PHACTR1: variants seen among roughly 807,000 people sequenced by gnomAD.
PHACTR1 encodes the protein RPEL repeat containing 1.
A neutral mutation model predicts 69.2 loss-of-function variants in PHACTR1; 16 were observed. The ratio of observed to expected loss-of-function variants is 0.23; its 90% CI spans 0.16 to 0.35. The LOEUF is 0.35. Among genes scored for constraint, PHACTR1 ranks in the 10% least tolerant of loss-of-function variants. The pLI is 1.00. For synonymous variants in PHACTR1, 312 were observed against 284.5 expected (o/e 1.10, Z -0.97); for missense variants, 510 against 734.7 (o/e 0.69, Z 3.54).
In PHACTR1 at chr6:12,926,600, CTTG is replaced by C. The variant is rs556203503; in HGVS notation, c.251-126763_251-126761del. 2.3e-3 allele frequency among the ~76,000 whole-genome samples: 349 copies of C among 152,362 alleles called. 1 individual carries two copies. Among genetic ancestry groups the C allele is most frequent in the Non-Finnish European group, 3.8e-3 (257 of 68,032 alleles). ...TTCACCAAACCTCCTGACTCATATC[CTTG>C]TCCCCATAGAAAGCTGCCCATCAAG... On this transcript the variant is annotated intron_variant, in intron 4 of 14. Transcript: ENST00000332995.
chr6:13,208,239 C>T (rs1428319222), intron 8 of PHACTR1, among the ~76,000 whole-genome samples: 1 of 152,156 alleles, frequency 6.6e-6, no homozygotes, highest in Non-Finnish European at 1.5e-5. Flanking sequence ...CTAAGTTCCC[C>T]AAAGCCACCT....
chr6:13,274,502 A>AACTT (rs1778471088), intron 11 of PHACTR1: 1 of 152,220 alleles, frequency 6.6e-6, no homozygotes, highest in Non-Finnish European at 1.5e-5. Flanking sequence ...GAACCTGTAC[A>AACTT]ACTTACTCAC....
intron 10 of PHACTR1, among the ~76,000 whole-genome samples, chr6:13,259,994 C>T (rs1775689995): frequency 6.6e-6 from 1 of 152,226 alleles, no homozygotes. Context: ...AGCCCCTCTT[C>T]TGTGGCAGGA....
At chr6:12,785,957 A>G (rs1360618666) in intron 4 of PHACTR1, among the ~76,000 whole-genome samples, 1 of 152,208 alleles carries the variant, frequency 6.6e-6, no homozygotes, top group East Asian at 1.9e-4. Context: ...CGACCTGTCA[A>G]ATTTCAACGG....
intron 5 of PHACTR1, among the ~76,000 whole-genome samples, chr6:13,101,361 A>C (rs1251925112): frequency 6.6e-6 from 1 of 152,226 alleles, no homozygotes; most frequent in Non-Finnish European, 1.5e-5. Context: ...CCACTTCCCA[A>C]GACCATTGCA....
At chr6:12,725,160 G>T (rs189963998) in intron 3 of PHACTR1, among the ~76,000 whole-genome samples, 1 of 152,008 alleles carries the variant, frequency 6.6e-6, no homozygotes, top group African/African-American at 2.4e-5. Context: ...CTCCCCTCAC[G>T]CCTCCACCCA....
intron 7 of PHACTR1, among the ~76,000 whole-genome samples, chr6:13,187,998 C>A (rs1456414346): frequency 6.6e-6 from 1 of 152,188 alleles, no homozygotes; most frequent in African/African-American, 2.4e-5. Flanking sequence ...GGCCTGGTAT[C>A]CACAGGGTTC....
chr6:12,924,718 T>C (rs548604192), intron 4 of PHACTR1, among the ~76,000 whole-genome samples: 159 of 145,052 alleles, frequency 1.1e-3, no homozygotes, highest in East Asian at 4.1e-4. Flanking sequence ...GAGCTTGCAG[T>C]GAGCCGAGAT....
chr6:12,882,057 A>G (rs534523650), intron 4 of PHACTR1, among the ~76,000 whole-genome samples: 2 of 152,280 alleles, frequency 1.3e-5, no homozygotes, highest in South Asian at 4.1e-4. Context: ...AACGATAAGA[A>G]CAGGGCATTT....
At chr6:12,931,932 C>T (rs1788918865) in intron 4 of PHACTR1, among the ~76,000 whole-genome samples, 1 of 151,808 alleles carries the variant, frequency 6.6e-6, no homozygotes, top group South Asian at 2.1e-4. Flanking sequence ...AGCATCTCTT[C>T]CTCTATAGAC....
chr6:13,198,509 G>A (rs544229574), intron 7 of PHACTR1, among the ~76,000 whole-genome samples: 1 of 152,100 alleles, frequency 6.6e-6, no homozygotes, highest in East Asian at 1.9e-4. Flanking sequence ...TTTTACAATT[G>A]TCCTATAACA....
chr6:13,215,933 G>T (rs1240498520), intron 8 of PHACTR1, among the ~76,000 whole-genome samples: 1 of 152,162 alleles, frequency 6.6e-6, no homozygotes, highest in Non-Finnish European at 1.5e-5. Context: ...ATTGATCACT[G>T]CATGCCAAGC....
chr6:12,755,933 C>T (rs1767265200), intron 4 of PHACTR1, among the ~76,000 whole-genome samples: 1 of 152,104 alleles, frequency 6.6e-6, no homozygotes, highest in Admixed American at 6.5e-5. Context: ...AAGAAGGATC[C>T]TAACCTCTAA....
At chr6:13,276,269 C>G (rs1013829786) in intron 11 of PHACTR1, 1 of 152,232 alleles carries the variant, frequency 6.6e-6, no homozygotes, top group East Asian at 1.9e-4. Context: ...GTGGCTGTTT[C>G]TTGTGCTGCC....
At chr6:12,800,925 G>C (rs1490611921) in intron 4 of PHACTR1, among the ~76,000 whole-genome samples, 2 of 151,776 alleles carry the variant, frequency 1.3e-5, no homozygotes, top group Non-Finnish European at 2.9e-5. Flanking sequence ...AAGATAAAAA[G>C]CCAATTTGAT....
At chr6:12,975,769 A>C (rs1344036080) in intron 4 of PHACTR1, among the ~76,000 whole-genome samples, 1 of 152,124 alleles carries the variant, frequency 6.6e-6, no homozygotes, top group Non-Finnish European at 1.5e-5. Flanking sequence ...TTTTGTAGAG[A>C]CAGAATCTCA....
chr6:12,734,588 T>C (rs989450353), intron 3 of PHACTR1, among the ~76,000 whole-genome samples: 4 of 152,124 alleles, frequency 2.6e-5, no homozygotes, highest in Non-Finnish European at 4.4e-5. Flanking sequence ...TCCTATTGTC[T>C]GGAAGAAAAA....
At chr6:12,863,506 T>C (rs7771962) in intron 4 of PHACTR1, among the ~76,000 whole-genome samples, 32,681 of 152,202 alleles carry the variant, frequency 0.21, 3,934 homozygotes, top group Middle Eastern at 0.35. Flanking sequence ...TCCATAATAC[T>C]GTAATATCGA....
At chr6:12,845,115 G>A (rs1169832628) in intron 4 of PHACTR1, among the ~76,000 whole-genome samples, 1 of 152,158 alleles carries the variant, frequency 6.6e-6, no homozygotes, top group Non-Finnish European at 1.5e-5. Flanking sequence ...CTGCATCTGA[G>A]CGTTGGATCG....
Sources: gnomAD v4.1 joint callset for allele counts (sites outside exome capture counted in the v4.1 genomes callset) on GRCh38, gnomAD v4.1.1 for gene constraint, MANE v1.5 for transcripts, NCBI Gene and HGNC (gene_info 2026-07-23, HGNC 2026-07-21) for gene names.